DNMT1: variants seen among roughly 807,000 people sequenced by gnomAD.
The protein encoded by DNMT1 is DNA methyltransferase 1, also known as DNA (cytosine-5)-methyltransferase 1.
In DNMT1, 24 loss-of-function variants were observed where a neutral mutation model predicts 205.3. The ratio of observed to expected loss-of-function variants is 0.12; its 90% CI spans 0.08 to 0.16. The LOEUF is 0.16. DNMT1 is among the 10% of genes least tolerant of loss of function. DNMT1 has a pLI of 1.00. For synonymous variants in DNMT1, 817 were observed against 839.8 expected (o/e 0.97, Z 0.47); for missense variants, 1,293 against 2,177.7 (o/e 0.59, Z 8.09).
chr19:10,143,317 T>C (rs2089639804), intron 29 of DNMT1, among the ~76,000 whole-genome samples: 1 of 151,284 alleles, frequency 6.6e-6, no homozygotes, highest in African/African-American at 2.4e-5. Context: ...TGGGTTTCAG[T>C]GATCCCTTCA....
At chr19:10,175,064 A>C (rs909838950) in intron 7 of DNMT1, among the ~76,000 whole-genome samples, 2 of 147,510 alleles carry the variant, frequency 1.4e-5, no homozygotes, top group Non-Finnish European at 3.0e-5. Context: ...CAAAAAAAGA[A>C]GTCTAAATAC....
chr19:10,153,651 A>G (rs1328895610), intron 22 of DNMT1, among the ~76,000 whole-genome samples: 4 of 151,976 alleles, frequency 2.6e-5, no homozygotes, highest in Admixed American at 6.6e-5. Flanking sequence ...ATTAAAAAAA[A>G]AAAAAAAAGA....
intron 1 of DNMT1, among the ~76,000 whole-genome samples, chr19:10,182,417 GTATATATATGTGTGTA>G (rs2039072921): frequency 1.9e-5 from 1 of 52,934 alleles, no homozygotes; most frequent in Non-Finnish European, 3.8e-5. Context: ...ATATATATGT[GTATATATATGTGTGTA>G]TATATATACA....
chr19:10,141,896 C>T (rs1050801177), intron 30 of DNMT1, 132 bp downstream of exon 30: 19 of 1,085,606 alleles, frequency 1.8e-5, no homozygotes, highest in South Asian at 1.2e-4. Context: ...AACAGCTTCA[C>T]GTCAGCCAAC....
At chr19:10,190,409 CA>C (rs2039276886) in intron 1 of DNMT1, among the ~76,000 whole-genome samples, 1 of 152,098 alleles carries the variant, frequency 6.6e-6, no homozygotes, top group African/African-American at 2.4e-5. Flanking sequence ...GATACACCGA[CA>C]AAATTCAACA....
At position 10,138,888 on chromosome 19, in the gene DNMT1, A is replaced by G. The variant is rs777286576; in HGVS notation, c.3949-283T>C. On this transcript the variant is annotated intron_variant, in intron 34 of 40. Coordinates refer to ENST00000359526, the MANE Select transcript of DNMT1 (RefSeq NM_001130823.3). This position sits in a 1 kb window ranked among gnomAD's most constrained non-coding sequence, Gnocchi z 4.1. Reference sequence around the variant, plus strand: ...CTCTGAAAGCACTGCAAGGGCCCCAAGGTCTTAGCACTCGGGGAGAACACT... The same window carrying G: ...CTCTGAAAGCACTGCAAGGGCCCCAGGGTCTTAGCACTCGGGGAGAACACT... 6.6e-6 allele frequency among the ~76,000 whole-genome samples: 1 copy of G among 152,194 alleles called. No homozygotes were observed. The highest frequency in any genetic ancestry group is 6.5e-5 in the Admixed American group (1 of 15,276).
chr19:10,169,193 T>C (rs569742504), intron 9 of DNMT1, among the ~76,000 whole-genome samples: 43 of 151,350 alleles, frequency 2.8e-4, no homozygotes, highest in African/African-American at 1.0e-3. Context: ...AATCCAACCC[T>C]CAGAAACTCC....
chr19:10,183,127 T>TATA (rs1568257487), intron 1 of DNMT1, among the ~76,000 whole-genome samples: 2 of 100,840 alleles, frequency 2.0e-5, no homozygotes, highest in African/African-American at 7.2e-5. Context: ...ATATATATAT[T>TATA]TTTTTTTTTT....
In DNMT1 at chr19:10,157,208, T is replaced by TCAGCCCC. The variant is rs759007574; in HGVS notation, c.1281-706_1281-700dup. On this transcript the variant is annotated intron_variant, in intron 17 of 40. Coordinates refer to ENST00000359526, the MANE Select transcript of DNMT1 (RefSeq NM_001130823.3). ...TCTCCAGTCTCCTCCCAACCGGCCC[T>TCAGCCCC]CAGCCCCCAGCCCCCGGCAACCACC... Among the ~76,000 whole-genome samples the TCAGCCCC allele has an allele frequency of 5.9e-5, 9 of 152,248 alleles. No individual in the cohort carries two copies. The East Asian group carries it at 1.2e-3, about 20-fold the overall frequency.
intron 27 of DNMT1, among the ~76,000 whole-genome samples, chr19:10,147,053 G>A (rs2038217551): frequency 6.6e-6 from 1 of 152,128 alleles, no homozygotes; most frequent in African/African-American, 2.4e-5. Flanking sequence ...GAGCCCAGAA[G>A]TTTGAGACTA....
At chr19:10,191,284 TAAA>T (rs777087948) in intron 1 of DNMT1, among the ~76,000 whole-genome samples, 1 of 128,882 alleles carries the variant, frequency 7.8e-6, no homozygotes, top group African/African-American at 2.9e-5. Flanking sequence ...CTGCCTCAAT[TAAA>T]AAAAAAAAAA....
At chr19:10,194,789 CT>C in intron 1 of DNMT1, 30 bp downstream of exon 1, 1 of 1,607,190 alleles carries the variant, frequency 6.2e-7, no homozygotes, top group African/African-American at 1.3e-5. Context: ...GCCTGTCCCC[CT>C]GAGTCCGTGT....
At chr19:10,175,486 T>TCA in intron 7 of DNMT1, 54 bp downstream of exon 7, 2 of 1,601,516 alleles carry the variant, frequency 1.2e-6, no homozygotes, top group South Asian at 2.2e-5. Flanking sequence ...GAAGTCACAA[T>TCA]CATCAAATAC....
intron 4 of DNMT1, 47 bp downstream of exon 4, chr19:10,180,303 C>T: frequency 6.3e-7 from 1 of 1,592,818 alleles, no homozygotes; most frequent in Non-Finnish European, 8.5e-7. Flanking sequence ...CACAGTGAGA[C>T]TCCATCTCAA....
At position 10,149,810 on chromosome 19, in the gene DNMT1, G is replaced by A. The variant is rs1451267704; in HGVS notation, c.2381+43C>T. ...GCAAAACAGGCATCTCCTACTTGAT[G>A]AGAAAGTGCATGCAGAAGTCAAGCA... On this transcript the variant is annotated intron_variant, in intron 25 of 40. Transcript: ENST00000359526. 4.3e-6 allele frequency: 7 copies of A among 1,610,386 alleles called. No individual in the cohort carries two copies. In the South Asian group the frequency reaches 4.4e-5, roughly 10 times the overall value.
rs771764754 is a variant in DNMT1 at position 10,180,444 on chromosome 19, G to T, written c.351C>A (p.Ala117=). The change falls in exon 4 of 41, where the codon GCC becomes GCA. Residue 117 remains alanine (A), a synonymous_variant. Transcript: ENST00000359526. ...TGGCATCTGCCATTCCCACTCTACG[G>T]GCTTCACTTCTTGCTTGGTTCCCGT... The part of the protein sequence containing the change: ...LENGNQARSE[A]RRVGMADANS... 1 of 1,614,088 alleles carries T rather than the reference G, an allele frequency of 6.2e-7. No individual in the cohort carries two copies. Among genetic ancestry groups the T allele is most frequent in the Non-Finnish European group, 8.5e-7 (1 of 1,180,042 alleles).
rs2089415986 is a variant in DNMT1, at chr19:10,133,420, T to C, written c.*247A>G. ...TACATAAAGTCTTAATTTCCACTCA[T>C]ACAGTGGTAGATTTGATATAATGCA... is the stretch of plus-strand genomic sequence containing the variant. On this transcript the variant is annotated 3_prime_UTR_variant, in exon 41 of 41. Coordinates refer to ENST00000359526, the MANE Select transcript of DNMT1 (RefSeq NM_001130823.3). This position sits in a 1 kb window ranked among gnomAD's most constrained non-coding sequence, Gnocchi z 4.1. The C allele has an allele frequency of 1.7e-6, 1 of 571,956 alleles. No homozygotes were observed. Among genetic ancestry groups the C allele is most frequent in the Non-Finnish European group, 3.1e-6 (1 of 321,254 alleles). 35.4% of individuals were successfully genotyped at this position (571,956 alleles called of 1,614,324 possible). A position where few individuals can be genotyped will look rare whatever the true frequency, so the allele number is the denominator to read the frequency against.
At chr19:10,180,040 G>T (rs1284456453) in intron 5 of DNMT1, 147 bp downstream of exon 5, 1 of 374,992 alleles carries the variant, frequency 2.7e-6, no homozygotes. Flanking sequence ...AGGGCCAGGC[G>T]TGGTGGCTTA....
chr19:10,183,057 G>A lies in DNMT1; in HGVS notation c.81-980C>T, dbSNP rs191526831. The stretch of plus-strand genomic sequence containing the variant: ...TATACGTATATATGTGTATACATAC[G>A]TATATATGTATACATATGTGTGTGT... On this transcript the variant is annotated intron_variant, in intron 1 of 40. Transcript: ENST00000359526. 5.8e-4 allele frequency among the ~76,000 whole-genome samples: 76 copies of A among 131,322 alleles called. 1 individual carries two copies. In the East Asian group the frequency reaches 0.016, roughly 28 times the overall value. The allele number at this position is 131,322 out of a possible 152,430, so 86.2% of individuals were successfully genotyped here.
Sources: allele counts gnomAD v4.1 joint callset (sites outside exome capture counted in the v4.1 genomes callset), GRCh38; gene constraint gnomAD v4.1.1; non-coding constraint Gnocchi (gnomAD v3.1); transcripts MANE v1.5; gene names NCBI Gene and HGNC (gene_info 2026-07-23, HGNC 2026-07-21).